The following MYO1C variants were observed in gnomAD, a reference collection of about 807,000 sequenced individuals.
The protein encoded by MYO1C is myosin IC.
MYO1C carries 104 observed loss-of-function variants against 150.8 expected under a neutral mutation model. That is an observed-to-expected ratio of 0.69 (90% CI 0.59 to 0.81). The LOEUF is 0.81. Among genes scored for constraint, MYO1C ranks in the 30% least tolerant of loss-of-function variants. The probability of loss-of-function intolerance (pLI) is 0.00; values close to 1 mark genes in which losing one functional copy is unlikely to be tolerated. For synonymous variants in MYO1C, 663 were observed against 579.9 expected (o/e 1.14, Z -2.06); for missense variants, 1,504 against 1,435.0 (o/e 1.05, Z -0.78).
Position 1,467,970 on chromosome 17 carries a change from C to T in MYO1C, c.2896+18G>A, listed in dbSNP as rs950333045. ...TCAGAGCAGGGCCCTCCCCCTGCAG[C>T]CCTGGACCCTGGCTGACCGGTCAGG... is the stretch of plus-strand genomic sequence containing the variant. On this transcript the variant is annotated intron_variant, in intron 28 of 31. Coordinates refer to ENST00000648651, the MANE Select transcript of MYO1C (RefSeq NM_001080779.2). 1.9e-6 allele frequency: 3 copies of T among 1,612,914 alleles called. No individual in the cohort carries two copies. In the African/African-American group the frequency reaches 4.0e-5, roughly 22 times the overall value.
At position 1,480,905 on chromosome 17, in the gene MYO1C, T is replaced by G. The variant is rs2074507482; in HGVS notation, c.628-20A>C. 1 of 1,612,910 alleles carries G rather than the reference T, an allele frequency of 6.2e-7. No individual in the cohort carries two copies. Among genetic ancestry groups the G allele is most frequent in the Non-Finnish European group, 8.5e-7 (1 of 1,179,882 alleles). On this transcript the variant is annotated intron_variant, in intron 5 of 31. Transcript: ENST00000648651. ...GGCACCCTGTGGGCAGGGCAGGGCA[T>G]GAGGCCGGGTCACGGGGACTGGGAA...
chr17:1,478,132 G>A lies in MYO1C; in HGVS notation c.1356C>T (p.Leu452=), dbSNP rs761605433. ...NEKLQQLFIE[L]TLKSEQEEYE... is the part of the protein sequence containing the mutation. ...ACTCCTCCTGCTCCGACTTGAGCGT[G>A]AGCTCGATGAAGAGCTGCTGCAGCT... is the stretch of plus-strand genomic sequence containing the variant. The change falls in exon 12 of 32, where the codon CTC becomes CTT. Residue 452 remains leucine (L), a synonymous_variant. Coordinates refer to ENST00000648651, the MANE Select transcript of MYO1C (RefSeq NM_001080779.2). This position sits in a 1 kb window ranked among gnomAD's most constrained non-coding sequence, Gnocchi z 6.3. 9 of 1,614,088 alleles carry A rather than the reference G, an allele frequency of 5.6e-6. No individual in the cohort carries two copies. The highest frequency in any genetic ancestry group is 7.6e-6 in the Non-Finnish European group (9 of 1,180,054).
At chr17:1,477,461 T>C (rs781559122) in intron 14 of MYO1C, 44 bp downstream of exon 14, 2 of 1,565,628 alleles carry the variant, frequency 1.3e-6, no homozygotes, top group South Asian at 2.2e-5. Flanking sequence ...CAGGCTCTGC[T>C]GCAAGTGAGC....
chr17:1,468,994 G>A (rs2074239068), intron 25 of MYO1C: 4 of 279,960 alleles, frequency 1.4e-5, no homozygotes, highest in Non-Finnish European at 2.8e-5. Flanking sequence ...AAGGGCAGTT[G>A]GCCCACGATA....
intron 30 of MYO1C, 51 bp downstream of exon 30, chr17:1,467,429 A>G: frequency 3.7e-6 from 6 of 1,600,396 alleles, no homozygotes; most frequent in Non-Finnish European, 5.1e-6. Flanking sequence ...GGGTGCCCAC[A>G]CAGCCCCCTC....
In MYO1C at chr17:1,472,036, GGA is replaced by G. The variant is rs1397214707; in HGVS notation, c.1904-14_1904-13del. ...CTCGTCAAAGCGGCCTGGGGTAGGGGGAGCGCCGTGGTCAGCGGGCTGGCGCT... is the reference window on the plus strand; with the variant it reads ...CTCGTCAAAGCGGCCTGGGGTAGGGGGCGCCGTGGTCAGCGGGCTGGCGCT... On this transcript the variant is annotated splice_polypyrimidine_tract_variant and intron_variant, in intron 18 of 31. Transcript: ENST00000648651. 6 of 1,613,792 alleles carry G rather than the reference GGA, an allele frequency of 3.7e-6. No individual in the cohort carries two copies. Among genetic ancestry groups the G allele is most frequent in the Non-Finnish European group, 5.1e-6 (6 of 1,179,816 alleles).
At chr17:1,488,572 G>A (rs995356066) in intron 1 of MYO1C, among the ~76,000 whole-genome samples, 4 of 152,250 alleles carry the variant, frequency 2.6e-5, no homozygotes, top group African/African-American at 9.6e-5. Flanking sequence ...CAGGTGACTT[G>A]TGCAAGGTCT....
chr17:1,470,530 G>A lies in MYO1C; in HGVS notation c.2282-11C>T, dbSNP rs1436898619. On this transcript the variant is annotated splice_polypyrimidine_tract_variant and intron_variant, in intron 22 of 31. Coordinates refer to ENST00000648651, the MANE Select transcript of MYO1C (RefSeq NM_001080779.2). ...ACTGGATGCAGATGGCTGTCGTGGA[G>A]ACCACAGATGGCTGAACTCTATCTT... 2 of 1,555,182 alleles carry A rather than the reference G, an allele frequency of 1.3e-6. No homozygotes were observed. The highest frequency in any genetic ancestry group is 1.7e-4 in the Middle Eastern group (1 of 6,016).
rs148330266 is a variant in MYO1C, at chr17:1,483,694, T to C, written c.263A>G (p.Asn88Ser). 6.2e-7 allele frequency: 1 copy of C among 1,612,882 alleles called. No homozygotes were observed. Among genetic ancestry groups the C allele is most frequent in the African/African-American group, 1.3e-5 (1 of 74,826 alleles). Reference protein sequence around the residue: ...TYIGPVLVSVNPYRDLQIYSR... With the variant: ...TYIGPVLVSVSPYRDLQIYSR... The stretch of plus-strand genomic sequence containing the variant: ...GTAGATCTGCAGGTCCCGGTAGGGA[T>C]TGACAGAGACCAGGACGGGGCCAAT... The change falls in exon 3 of 32, where the codon AAT becomes AGT. Residue 88 changes from asparagine to serine, a missense_variant. Asn to Ser is a conservative substitution (Grantham distance 46). Transcript: ENST00000648651.
At chr17:1,484,569 T>C in intron 1 of MYO1C, 1 of 580,958 alleles carries the variant, frequency 1.7e-6, no homozygotes, top group South Asian at 2.0e-5. Context: ...AGAGACAACA[T>C]GAACCACTTG....
intron 16 of MYO1C, 22 bp downstream of exon 16, chr17:1,474,790 G>GCCGCCCCCCC: frequency 2.7e-6 from 2 of 737,886 alleles, no homozygotes; most frequent in Non-Finnish European, 4.1e-6. Context: ...CCCCCACCCC[G>GCCGCCCCCCC]GCCTCCCCAC....
At chr17:1,472,461 C>T in intron 17 of MYO1C, 1 of 560,038 alleles carries the variant, frequency 1.8e-6, no homozygotes, top group South Asian at 2.1e-5. Flanking sequence ...CAGCCTAAAA[C>T]TCCTGCTCAG....
intron 17 of MYO1C, 132 bp from the exon 18 acceptor site, chr17:1,472,360 C>T (rs1033181331): frequency 9.4e-6 from 7 of 745,768 alleles, no homozygotes; most frequent in Non-Finnish European, 1.6e-5. Context: ...TTACTCCTCC[C>T]ACCACAGCTT....
chr17:1,473,217 C>CA (rs1020547325), intron 17 of MYO1C, among the ~76,000 whole-genome samples: 3 of 151,702 alleles, frequency 2.0e-5, no homozygotes, highest in South Asian at 4.2e-4. Context: ...AAAACAAAAA[C>CA]AAAAAAGGGG....
At chr17:1,474,209 C>A (rs1193969344) in intron 17 of MYO1C, among the ~76,000 whole-genome samples, 12 of 151,974 alleles carry the variant, frequency 7.9e-5, no homozygotes, top group Admixed American at 7.9e-4. Flanking sequence ...GGTGGATCAC[C>A]CGAGGTCAGG....
At chr17:1,485,708 G>T in intron 1 of MYO1C, 1 of 1,188,996 alleles carries the variant, frequency 8.4e-7, no homozygotes, top group Non-Finnish European at 1.0e-6. Flanking sequence ...GCCCGGTAGC[G>T]CATCCTGCCC....
intron 1 of MYO1C, among the ~76,000 whole-genome samples, chr17:1,490,644 C>A (rs889502476): frequency 6.6e-6 from 1 of 152,168 alleles, no homozygotes; most frequent in Non-Finnish European, 1.5e-5. Flanking sequence ...CAAATCAACA[C>A]CTCATGTTCA....
chr17:1,489,662 C>G (rs190366753), intron 1 of MYO1C, among the ~76,000 whole-genome samples: 386 of 151,854 alleles, frequency 2.5e-3, no homozygotes, highest in Middle Eastern at 0.01. Context: ...CCTGGGTACC[C>G]CAGAAGACCC....
intron 14 of MYO1C, chr17:1,477,304 T>C (rs2074419271): frequency 1.6e-6 from 1 of 614,200 alleles, no homozygotes; most frequent in East Asian, 2.8e-5. Context: ...CCCAGCCTTC[T>C]GCATAGATGG....
Sources: gnomAD v4.1 joint callset for allele counts (sites outside exome capture counted in the v4.1 genomes callset) on GRCh38, gnomAD v4.1.1 for gene constraint, Gnocchi (gnomAD v3.1) non-coding constraint, MANE v1.5 for transcripts, NCBI Gene and HGNC (gene_info 2026-07-23, HGNC 2026-07-21) for gene names.